The following RBFOX3 variants were observed in gnomAD, a reference collection of about 807,000 sequenced individuals.
RBFOX3 encodes RNA binding fox-1 homolog 3.
A neutral mutation model predicts 48.7 loss-of-function variants in RBFOX3; 17 were observed. The ratio of observed to expected loss-of-function variants is 0.35; its 90% CI spans 0.24 to 0.52. The LOEUF (loss-of-function observed/expected upper bound fraction) is 0.52, where lower values mean the gene tolerates loss of function less well. Ranked by LOEUF, RBFOX3 falls within the 20% of genes least tolerant of loss-of-function variation. The pLI is 0.94. For synonymous variants in RBFOX3, 212 were observed against 209.5 expected (o/e 1.01, Z -0.10); for missense variants, 382 against 497.5 (o/e 0.77, Z 2.21).
At chr17:79,102,426 T>C (rs2076618434) in intron 8 of RBFOX3, among the ~76,000 whole-genome samples, 1 of 152,194 alleles carries the variant, frequency 6.6e-6, no homozygotes, top group Admixed American at 6.5e-5. Context: ...GGCCCTTCAC[T>C]GCCTGCCTGA....
chr17:79,095,407 TG>T, intron 13 of RBFOX3, 105 bp downstream of exon 13: 2 of 1,017,680 alleles, frequency 2.0e-6, no homozygotes, highest in Non-Finnish European at 1.5e-6. Context: ...CCGCCAGGCC[TG>T]GAAGAGTGGG....
the RBFOX3 span, among the ~76,000 whole-genome samples, chr17:79,620,690 T>TGCACACAC: frequency 4.0e-5 from 6 of 149,932 alleles, no homozygotes; most frequent in African/African-American, 1.5e-4. Context: ...CATGCACACA[T>TGCACACAC]GTGCCCATGC....
At chr17:79,562,289 A>C (rs1384232929) in intron 1 of RBFOX3, among the ~76,000 whole-genome samples, 1 of 152,160 alleles carries the variant, frequency 6.6e-6, no homozygotes, top group Non-Finnish European at 1.5e-5. Flanking sequence ...CCACACACGG[A>C]GCTGAGTGCC....
intron 4 of RBFOX3, among the ~76,000 whole-genome samples, chr17:79,221,005 C>G (rs2059661079): frequency 6.6e-6 from 1 of 152,226 alleles, no homozygotes; most frequent in Non-Finnish European, 1.5e-5. Flanking sequence ...GACACCCCAT[C>G]CATGAGGGAC....
intron 14 of RBFOX3, among the ~76,000 whole-genome samples, chr17:79,093,882 A>G (rs1429127833): frequency 6.6e-6 from 1 of 151,714 alleles, no homozygotes; most frequent in African/African-American, 2.4e-5. Context: ...CCACAGCCTG[A>G]GGGAGGAGGC....
chr17:79,462,172 G>A (rs1350816470), intron 2 of RBFOX3, among the ~76,000 whole-genome samples: 1 of 152,188 alleles, frequency 6.6e-6, no homozygotes, highest in East Asian at 1.9e-4. Flanking sequence ...CCATCAATGA[G>A]TACCAAGCTC....
chr17:79,187,100 A>C (rs2703522), intron 4 of RBFOX3, among the ~76,000 whole-genome samples: 150,303 of 152,362 alleles, frequency 0.99, 74,176 homozygotes, highest in East Asian at 1. Flanking sequence ...GGAATACTAG[A>C]CTCCAAGGTG....
At chr17:79,524,353 A>C (rs1274246033) in intron 1 of RBFOX3, among the ~76,000 whole-genome samples, 5 of 152,170 alleles carry the variant, frequency 3.3e-5, no homozygotes, top group African/African-American at 1.2e-4. Flanking sequence ...ACAGGAGTTT[A>C]ACGGAGACCT....
chr17:79,325,425 T>TG lies in RBFOX3; in HGVS notation c.-174-17602dup, dbSNP rs2079154685. Among the ~76,000 whole-genome samples, 7 of 152,300 alleles carry TG rather than the reference T, an allele frequency of 4.6e-5. 1 individual carries two copies. In the South Asian group the frequency reaches 1.5e-3, roughly 32 times the overall value. ...TAATTTGAGGAGCCCGGCAGCACTG[T>TG]GGGGAAATCTACTTATCCCTAAATG... is the stretch of plus-strand genomic sequence containing the variant. On this transcript the variant is annotated intron_variant, in intron 2 of 14. Transcript: ENST00000693108.
chr17:79,119,520 G>C (rs2147123540), intron 4 of RBFOX3, among the ~76,000 whole-genome samples: 2 of 152,288 alleles, frequency 1.3e-5, no homozygotes, highest in South Asian at 4.1e-4. Flanking sequence ...AGGGTGGTTT[G>C]CAAGGGAGAG....
At chr17:79,424,473 G>GCAGCCATGGGCCCTGCCACCTGC (rs2067000101) in intron 2 of RBFOX3, among the ~76,000 whole-genome samples, 1 of 152,152 alleles carries the variant, frequency 6.6e-6, no homozygotes, top group African/African-American at 2.4e-5. Context: ...TCGACTCTCA[G>GCAGCCATGGGCCCTGCCACCTGC]CAGCCATGGG....
chr17:79,560,100 G>A (rs1038073759), intron 1 of RBFOX3, among the ~76,000 whole-genome samples: 16 of 151,718 alleles, frequency 1.1e-4, no homozygotes, highest in South Asian at 2.1e-4. Flanking sequence ...GTGACACCCC[G>A]TTGCATCTTC....
chr17:79,374,402 T>A (rs550501559), intron 2 of RBFOX3, among the ~76,000 whole-genome samples: 1 of 152,312 alleles, frequency 6.6e-6, no homozygotes, highest in South Asian at 2.1e-4. Context: ...GAGCCTTTCT[T>A]CTTTGGAAAG....
At chr17:79,295,467 G>T (rs900761790) in intron 3 of RBFOX3, among the ~76,000 whole-genome samples, 3 of 152,182 alleles carry the variant, frequency 2.0e-5, no homozygotes, top group African/African-American at 7.2e-5. Context: ...CTTTGGGTGG[G>T]AGCCAGTTCC....
rs760307604 is a variant in RBFOX3, at chr17:79,297,628, C to G, written c.-74+10096G>C. Among the ~76,000 whole-genome samples, 83 of 152,260 alleles carry G rather than the reference C, an allele frequency of 5.5e-4. 1 individual carries two copies. Among genetic ancestry groups the G allele is most frequent in the Non-Finnish European group, 1.9e-4 (13 of 68,046 alleles). On this transcript the variant is annotated intron_variant, in intron 3 of 14. Transcript: ENST00000693108. ...AAGCAGGTGGCCATAGGCCAGGGCA[C>G]AGTGTGCCTTTCCCAGGGAGATGGG...
chr17:79,313,363 A>T (rs2077109664), intron 2 of RBFOX3, among the ~76,000 whole-genome samples: 1 of 152,134 alleles, frequency 6.6e-6, no homozygotes, highest in Non-Finnish European at 1.5e-5. Context: ...AGCACAGTGA[A>T]TATAGCAGCC....
At chr17:79,241,675 G>A (rs941883390) in intron 3 of RBFOX3, among the ~76,000 whole-genome samples, 2 of 152,150 alleles carry the variant, frequency 1.3e-5, no homozygotes, top group African/African-American at 4.8e-5. Context: ...ATAGACTGCC[G>A]GCTTAAACAA....
In RBFOX3 at chr17:79,151,198, CCA is replaced by C. The variant is rs547398287; in HGVS notation, c.-33-35452_-33-35451del. On this transcript the variant is annotated intron_variant, in intron 4 of 14. Coordinates refer to ENST00000693108, the MANE Select transcript of RBFOX3 (RefSeq NM_001350451.2). ...GCCGGCATCAGACCCTGCGTGCTGA[CCA>C]CCCCCTGCCCTGGGAGGGCTGAGGG... 1.5e-4 allele frequency among the ~76,000 whole-genome samples: 23 copies of C among 151,976 alleles called. No individual in the cohort carries two copies. In the South Asian group the frequency reaches 4.8e-3, roughly 32 times the overall value.
At position 79,412,407 on chromosome 17, in the gene RBFOX3, A is replaced by T. The variant is rs542217625; in HGVS notation, c.-175+70047T>A. Among the ~76,000 whole-genome samples the T allele has an allele frequency of 3.6e-3, 533 of 149,942 alleles. 2 individuals carry two copies. Among genetic ancestry groups the T allele is most frequent in the African/African-American group, 0.013 (511 of 40,560 alleles). ...GTGAAGGCATGGTGGTATGGGTGTGAGTGAATGTGTGTGAGGTGTATACAT... is the reference window on the plus strand; with the variant it reads ...GTGAAGGCATGGTGGTATGGGTGTGTGTGAATGTGTGTGAGGTGTATACAT... On this transcript the variant is annotated intron_variant, in intron 2 of 14. Transcript: ENST00000693108.
Sources: allele counts gnomAD v4.1 joint callset (sites outside exome capture counted in the v4.1 genomes callset), GRCh38; gene constraint gnomAD v4.1.1; transcripts MANE v1.5; gene names NCBI Gene and HGNC (gene_info 2026-07-23, HGNC 2026-07-21).